The following DENND1B variants were observed in gnomAD, a reference collection of about 807,000 sequenced individuals.
DENND1B encodes the protein DENN domain containing 1B.
DENND1B carries 59 observed loss-of-function variants against 90.1 expected under a neutral mutation model. The ratio of observed to expected loss-of-function variants is 0.65; its 90% CI spans 0.53 to 0.81. The LOEUF (loss-of-function observed/expected upper bound fraction) is 0.81. Among genes scored for constraint, DENND1B ranks in the 40% least tolerant of loss-of-function variants. The probability of loss-of-function intolerance (pLI) is 0.00; values close to 1 mark genes in which losing one functional copy is unlikely to be tolerated. For missense variants in DENND1B, 862 were observed against 912.6 expected (o/e 0.94, Z 0.71); for synonymous variants, 337 against 324.6 (o/e 1.04, Z -0.41).
At chr1:197,756,377 C>A (rs548161280) in intron 2 of DENND1B, among the ~76,000 whole-genome samples, 2 of 152,096 alleles carry the variant, frequency 1.3e-5, no homozygotes, top group African/African-American at 4.8e-5. Context: ...GAGTTCAAGA[C>A]CAGCCCGGCC....
At chr1:197,748,399 T>C (rs1558475655) in intron 2 of DENND1B, among the ~76,000 whole-genome samples, 2 of 152,108 alleles carry the variant, frequency 1.3e-5, no homozygotes, top group Admixed American at 6.5e-5. Flanking sequence ...CTCAAAGATA[T>C]CTATATCCTA....
At chr1:197,766,952 C>A (rs1249017364) in intron 2 of DENND1B, among the ~76,000 whole-genome samples, 1 of 151,930 alleles carries the variant, frequency 6.6e-6, no homozygotes, top group African/African-American at 2.4e-5. Context: ...TGACACCACA[C>A]CCCGCTAAAT....
intron 11 of DENND1B, among the ~76,000 whole-genome samples, chr1:197,613,888 AAG>A (rs1169313127): frequency 6.6e-6 from 1 of 151,084 alleles, no homozygotes; most frequent in Non-Finnish European, 1.5e-5. Context: ...ATTTTAATGA[AAG>A]AGTTTTAAAA....
chr1:197,720,837 T>C (rs12092948), intron 2 of DENND1B, among the ~76,000 whole-genome samples: 38,720 of 152,046 alleles, frequency 0.25, 5,463 homozygotes, highest in Middle Eastern at 0.38. Context: ...TAAAAACAAA[T>C]TCATTGCTGG....
At chr1:197,736,904 C>A (rs1662746267) in intron 2 of DENND1B, among the ~76,000 whole-genome samples, 1 of 152,190 alleles carries the variant, frequency 6.6e-6, no homozygotes, top group East Asian at 1.9e-4. Context: ...ACCCAAGCAT[C>A]TATTCTTTTG....
At chr1:197,681,953 GTTTTTT>G (rs1353117897) in intron 3 of DENND1B, among the ~76,000 whole-genome samples, 2 of 152,076 alleles carry the variant, frequency 1.3e-5, no homozygotes, top group African/African-American at 4.8e-5. Flanking sequence ...ATTAACCTTG[GTTTTTT>G]TGTTTTTGTT....
At chr1:197,570,357 T>G (rs1236539280) in intron 15 of DENND1B, among the ~76,000 whole-genome samples, 1 of 152,118 alleles carries the variant, frequency 6.6e-6, no homozygotes, top group Non-Finnish European at 1.5e-5. Context: ...CAAAACTACA[T>G]GGGATTTATT....
intron 10 of DENND1B, among the ~76,000 whole-genome samples, chr1:197,639,064 G>A (rs1386150884): frequency 6.8e-6 from 1 of 148,080 alleles, no homozygotes; most frequent in African/African-American, 2.5e-5. Flanking sequence ...ATCTTTTAAA[G>A]GTTAATTTTT....
At chr1:197,764,889 C>G (rs893237414) in intron 2 of DENND1B, among the ~76,000 whole-genome samples, 2 of 152,072 alleles carry the variant, frequency 1.3e-5, no homozygotes, top group Non-Finnish European at 2.9e-5. Context: ...CTTAGTGGAG[C>G]AGGCCTATAT....
chr1:197,713,642 C>A (rs1256795015), intron 3 of DENND1B, among the ~76,000 whole-genome samples: 1 of 65,232 alleles, frequency 1.5e-5, no homozygotes. Flanking sequence ...CTAGATGACA[C>A]GTTAGTGGGT....
chr1:197,735,228 T>C (rs528103742), intron 2 of DENND1B: 121 of 1,061,592 alleles, frequency 1.1e-4, no homozygotes, highest in Non-Finnish European at 1.3e-4. Flanking sequence ...ATCAATGAAT[T>C]AGCAATCTGT....
At chr1:197,527,406 C>G (rs1483995587) in intron 20 of DENND1B, among the ~76,000 whole-genome samples, 2 of 151,564 alleles carry the variant, frequency 1.3e-5, no homozygotes, top group African/African-American at 2.4e-5. Flanking sequence ...CCTCAGCCTC[C>G]CGAGTAGTTG....
chr1:197,707,685 T>C (rs1659721901), intron 3 of DENND1B, among the ~76,000 whole-genome samples: 1 of 146,620 alleles, frequency 6.8e-6, no homozygotes, highest in East Asian at 1.9e-4. Flanking sequence ...TAATATAATA[T>C]AATATAATAT....
chr1:197,625,367 C>T (rs1359656433), intron 10 of DENND1B, among the ~76,000 whole-genome samples: 1 of 152,090 alleles, frequency 6.6e-6, no homozygotes, highest in Admixed American at 6.6e-5. Context: ...ATTCAACATT[C>T]TTAAAGAAAA....
At chr1:197,601,479 A>C (rs778836176) in intron 13 of DENND1B, among the ~76,000 whole-genome samples, 7 of 151,620 alleles carry the variant, frequency 4.6e-5, no homozygotes, top group Non-Finnish European at 7.4e-5. Context: ...GACCAGAAAT[A>C]AATTGCAAAT....
intron 2 of DENND1B, chr1:197,735,205 G>A (rs1662529795): frequency 9.7e-7 from 1 of 1,033,448 alleles, no homozygotes; most frequent in African/African-American, 1.7e-5. Flanking sequence ...GCCTACCATT[G>A]AGTATCTTTT....
At chr1:197,574,067 C>A (rs1673424928) in intron 15 of DENND1B, among the ~76,000 whole-genome samples, 1 of 152,096 alleles carries the variant, frequency 6.6e-6, no homozygotes, top group South Asian at 2.1e-4. Context: ...TCCTATTCAA[C>A]ATAGTGTTGG....
chr1:197,682,703 AGC>A (rs1656818593), intron 3 of DENND1B, among the ~76,000 whole-genome samples: 1 of 152,202 alleles, frequency 6.6e-6, no homozygotes, highest in African/African-American at 2.4e-5. Context: ...GCCAGGCTAC[AGC>A]ATGAGGAAAG....
chr1:197,650,621 C>T (rs1157082210), intron 7 of DENND1B, among the ~76,000 whole-genome samples: 1 of 152,082 alleles, frequency 6.6e-6, no homozygotes, highest in Non-Finnish European at 1.5e-5. Flanking sequence ...AACCCAAATG[C>T]CCAGTAATCA....
Sources: gnomAD v4.1 joint callset for allele counts (sites outside exome capture counted in the v4.1 genomes callset) on GRCh38, gnomAD v4.1.1 for gene constraint, MANE v1.5 for transcripts, NCBI Gene and HGNC (gene_info 2026-07-23, HGNC 2026-07-21) for gene names.